The following GLUD1 variants were observed in gnomAD, a reference collection of about 807,000 sequenced individuals.
GLUD1 encodes glutamate dehydrogenase 1, mitochondrial.
GLUD1 carries 22 observed loss-of-function variants against 56.0 expected under a neutral mutation model. The observed-to-expected ratio is 0.39, with a 90% CI of 0.28 to 0.56. The LOEUF (loss-of-function observed/expected upper bound fraction) is 0.56, where lower values mean the gene tolerates loss of function less well. GLUD1 is among the 20% of genes least tolerant of loss of function. The probability of loss-of-function intolerance (pLI) is 0.58; values close to 1 mark genes in which losing one functional copy is unlikely to be tolerated. For missense variants in GLUD1, 451 were observed against 732.0 expected, an observed-to-expected ratio of 0.62 and a Z score of 4.43; for synonymous variants, 223 against 269.9, an observed-to-expected ratio of 0.83 and a Z score of 1.70.
intron 1 of GLUD1, among the ~76,000 whole-genome samples, chr10:87,080,543 G>A (rs1841195660): frequency 1.3e-5 from 2 of 151,882 alleles, no homozygotes; most frequent in South Asian, 4.2e-4. Flanking sequence ...GAGCGTCTCT[G>A]CCCGGCCGCC....
chr10:87,056,929 A>G (rs1234588749), intron 11 of GLUD1, among the ~76,000 whole-genome samples: 1 of 151,226 alleles, frequency 6.6e-6, no homozygotes, highest in Non-Finnish European at 1.5e-5. Flanking sequence ...CCTGTCTTCC[A>G]TCATTTACTG....
At chr10:87,080,199 G>A (rs1419428402) in intron 1 of GLUD1, among the ~76,000 whole-genome samples, 2 of 152,050 alleles carry the variant, frequency 1.3e-5, no homozygotes, top group Non-Finnish European at 2.9e-5. Context: ...CTAGGCCTCC[G>A]GAGGTGCCAG....
chr10:87,069,739 TTGAAA>T (rs1332785396), intron 4 of GLUD1, among the ~76,000 whole-genome samples: 1 of 152,160 alleles, frequency 6.6e-6, no homozygotes, highest in Non-Finnish European at 1.5e-5. Flanking sequence ...TAAGATAACT[TTGAAA>T]TGGTCAAGGA....
At chr10:87,066,808 T>G (rs1217607507) in intron 5 of GLUD1, among the ~76,000 whole-genome samples, 2 of 152,238 alleles carry the variant, frequency 1.3e-5, no homozygotes, top group Non-Finnish European at 2.9e-5. Flanking sequence ...TTTGACTCTG[T>G]TTCTCTTCCT....
At chr10:87,085,561 A>G (rs1005411759) in intron 1 of GLUD1, among the ~76,000 whole-genome samples, 6 of 152,188 alleles carry the variant, frequency 3.9e-5, no homozygotes, top group African/African-American at 1.4e-4. Context: ...TGACACATCA[A>G]AGAAAAAACG....
At chr10:87,058,913 G>C (rs539567612) in intron 10 of GLUD1, among the ~76,000 whole-genome samples, 1 of 152,080 alleles carries the variant, frequency 6.6e-6, no homozygotes, top group Admixed American at 6.6e-5. Context: ...AAAAAATGTA[G>C]ATTATATTCT....
intron 1 of GLUD1, among the ~76,000 whole-genome samples, chr10:87,083,816 TACACACACAC>T (rs10535860): frequency 1.3e-5 from 2 of 151,054 alleles, no homozygotes; most frequent in African/African-American, 4.9e-5. Flanking sequence ...ATCCCATCTC[TACACACACAC>T]ACACACACAC....
chr10:87,059,047 T>C, intron 10 of GLUD1, 103 bp downstream of exon 10: 3 of 1,315,572 alleles, frequency 2.3e-6, no homozygotes, highest in Non-Finnish European at 3.3e-6. Context: ...TTTCTGAGAC[T>C]CAATTCTTTC....
At chr10:87,080,497 G>A (rs554443372) in intron 1 of GLUD1, among the ~76,000 whole-genome samples, 86 of 151,538 alleles carry the variant, frequency 5.7e-4, no homozygotes, top group African/African-American at 1.8e-3. Context: ...AGTGAGGAGC[G>A]CCTCTTCCCA....
chr10:87,089,274 A>C (rs1364370112), intron 1 of GLUD1, among the ~76,000 whole-genome samples: 1 of 152,236 alleles, frequency 6.6e-6, no homozygotes, highest in Non-Finnish European at 1.5e-5. Flanking sequence ...CCAGACAACA[A>C]TGATTAAGGT....
intron 1 of GLUD1, among the ~76,000 whole-genome samples, chr10:87,078,908 G>A (rs555211314): frequency 4.2e-4 from 64 of 152,310 alleles, no homozygotes; most frequent in African/African-American, 1.2e-3. Context: ...GAAGGCTGAG[G>A]TGGGAGGATC....
At position 87,074,808 on chromosome 10, in the gene GLUD1, C is replaced by A. The variant is rs1364683446; in HGVS notation, c.583-194G>T. On this transcript the variant is annotated intron_variant, in intron 3 of 12. Transcript: ENST00000277865. ...GGATCAAAAAAGTAGGTTATAAAAA[C>A]AAGATAGTAGAACTAGGGCTCAAAT... Among the ~76,000 whole-genome samples the A allele has an allele frequency of 2.0e-5, 3 of 152,162 alleles. No individual in the cohort carries two copies. In the East Asian group the frequency reaches 5.8e-4, roughly 29 times the overall value.
At chr10:87,059,054 T>C (rs1255580249) in intron 10 of GLUD1, 96 bp downstream of exon 10, 2 of 1,388,588 alleles carry the variant, frequency 1.4e-6, no homozygotes, top group African/African-American at 2.8e-5. Flanking sequence ...GACTCAATTC[T>C]TTCCCAAAGG....
intron 12 of GLUD1, among the ~76,000 whole-genome samples, chr10:87,052,669 C>CAAAAAA (rs751155208): frequency 4.8e-5 from 2 of 41,724 alleles, no homozygotes; most frequent in Non-Finnish European, 9.4e-5. Context: ...AACTCCGTCT[C>CAAAAAA]AAAAAAAAAA....
intron 4 of GLUD1, among the ~76,000 whole-genome samples, chr10:87,070,615 A>G (rs1420404884): frequency 2.6e-5 from 4 of 152,070 alleles, no homozygotes; most frequent in African/African-American, 9.7e-5. Context: ...AAAAAACAAA[A>G]AACAATTCCA....
At chr10:87,066,260 C>T (rs1846072723) in intron 5 of GLUD1, among the ~76,000 whole-genome samples, 1 of 152,168 alleles carries the variant, frequency 6.6e-6, no homozygotes, top group Non-Finnish European at 1.5e-5. Flanking sequence ...CTTCCCTCTT[C>T]ATATCCCCTT....
intron 4 of GLUD1, among the ~76,000 whole-genome samples, chr10:87,069,711 A>C (rs577194668): frequency 2.8e-4 from 43 of 152,276 alleles, no homozygotes; most frequent in Non-Finnish European, 5.6e-4. Flanking sequence ...CTGTGATGTA[A>C]TGGATACAGG....
chr10:87,091,214 A>C (rs1362440955), intron 1 of GLUD1, among the ~76,000 whole-genome samples: 3 of 145,272 alleles, frequency 2.1e-5, no homozygotes, highest in Admixed American at 7.1e-5. Flanking sequence ...AGTGATAGGG[A>C]ATTTTAATAG....
Position 87,060,822 on chromosome 10 carries a change from G to A in GLUD1, c.1063C>T (p.His355Tyr), listed in dbSNP as rs752866323. 1.5e-5 allele frequency: 24 copies of A among 1,614,072 alleles called. No individual in the cohort carries two copies. In the African/African-American group the frequency reaches 2.8e-4, roughly 19 times the overall value. ...PKELEDFKLQ[H>Y]GSILGFPKAK... ...TTGGGGAAGCCCAGAATGGACCCAT[G>A]TTGCTGCCATTGATTGAAAATCACA... is the stretch of plus-strand genomic sequence containing the variant. The change falls in exon 8 of 13, where the codon CAT (histidine) becomes TAT (tyrosine). Residue 355 changes from histidine to tyrosine, a missense_variant. Around this residue, in one of 4 missense-constraint regions of GLUD1, gnomAD observed 248 missense variants for 460.0 expected, o/e 0.54. Transcript: ENST00000277865.
Sources: allele counts gnomAD v4.1 joint callset (sites outside exome capture counted in the v4.1 genomes callset), GRCh38; gene constraint gnomAD v4.1.1; regional missense constraint gnomAD v4.1.1; transcripts MANE v1.5; gene names NCBI Gene and HGNC (gene_info 2026-07-23, HGNC 2026-07-21).